NELFA: variants seen among roughly 807,000 people sequenced by gnomAD.
NELFA encodes the protein negative elongation factor A.
A neutral mutation model predicts 51.8 loss-of-function variants in NELFA; 35 were observed. The ratio of observed to expected loss-of-function variants is 0.68; its 90% CI spans 0.52 to 0.90. The LOEUF (loss-of-function observed/expected upper bound fraction) is 0.90. Ranked by LOEUF, NELFA falls within the 40% of genes least tolerant of loss-of-function variation. The pLI is 0.00. For synonymous variants in NELFA, 417 were observed against 338.4 expected (o/e 1.23, Z -2.55); for missense variants, 658 against 746.4 (o/e 0.88, Z 1.38).
chr4:1,990,632 G>T (rs1465580043), intron 2 of NELFA: 1 of 404,836 alleles, frequency 2.5e-6, no homozygotes, highest in Non-Finnish European at 5.1e-6. Context: ...GTGCAGCCTC[G>T]ATGTCTCCAT....
At chr4:1,997,267 A>G (rs529422209) in intron 1 of NELFA, among the ~76,000 whole-genome samples, 29 of 152,358 alleles carry the variant, frequency 1.9e-4, no homozygotes, top group African/African-American at 7.0e-4. Context: ...TCCAAAGAAA[A>G]AGAAAAGACC....
rs182344243 is a variant in NELFA at position 2,001,175 on chromosome 4, A to C, written c.210+7575T>G. Among the ~76,000 whole-genome samples, 244 of 152,310 alleles carry C rather than the reference A, an allele frequency of 1.6e-3. 2 individuals are homozygous for C. Among genetic ancestry groups the C allele is most frequent in the African/African-American group, 5.5e-3 (229 of 41,568 alleles). On this transcript the variant is annotated intron_variant, in intron 1 of 10. Coordinates refer to ENST00000382882, the MANE Select transcript of NELFA (RefSeq NM_005663.5). ...ATTAAGAGTTATTTAAGACAAACCC[A>C]CAGCGAATACCATATTGAATGGGCA...
chr4:1,989,787 G>A lies in NELFA; in HGVS notation c.465C>T (p.Pro155=). 1 of 1,614,198 alleles carries A rather than the reference G, an allele frequency of 6.2e-7. No homozygotes were observed. Among genetic ancestry groups the A allele is most frequent in the Non-Finnish European group, 8.5e-7 (1 of 1,180,048 alleles). Residue 155 remains proline (P), a synonymous_variant, in exon 3 of 11, where the codon CCC becomes CCT. Coordinates refer to ENST00000382882, the MANE Select transcript of NELFA (RefSeq NM_005663.5). The surrounding 1 kb of genome is among the most constrained non-coding windows in gnomAD (Gnocchi z 4.8). ...GAAAATGCTTCACCGGGGGAGTGAG[G>A]GGTCCCGCGAGGGTCGTCAGGGCGT... The part of the protein sequence containing the change: ...NKNALTTLAG[P]LTPPVKHFQL...
chr4:1,996,636 AAAG>A (rs1482621314), intron 1 of NELFA, among the ~76,000 whole-genome samples: 8 of 152,248 alleles, frequency 5.3e-5, no homozygotes, highest in South Asian at 2.1e-4. Flanking sequence ...TGACATTTAA[AAAG>A]AAGATGTTTG....
intron 1 of NELFA, among the ~76,000 whole-genome samples, chr4:1,998,409 G>A (rs1728488221): frequency 6.6e-6 from 1 of 151,954 alleles, no homozygotes. Flanking sequence ...CTTGATAAAA[G>A]GTCAGAGGAA....
At chr4:2,004,229 A>C (rs1728649248) in intron 1 of NELFA, 1 of 152,218 alleles carries the variant, frequency 6.6e-6, no homozygotes, top group South Asian at 2.1e-4. Context: ...CAGGCACAAA[A>C]GACCAGATGT....
At position 1,989,657 on chromosome 4, in the gene NELFA, T is replaced by G. The variant is rs1422621132; in HGVS notation, c.544+51A>C. On this transcript the variant is annotated intron_variant, in intron 3 of 10. Coordinates refer to ENST00000382882, the MANE Select transcript of NELFA (RefSeq NM_005663.5). The surrounding 1 kb of genome is among the most constrained non-coding windows in gnomAD (Gnocchi z 4.8). Reference sequence around the variant, plus strand: ...TTGGTACCTTAGAACCTAAGAAACCTATGACTGGAAACTACAAAGACAATG... The same window carrying G: ...TTGGTACCTTAGAACCTAAGAAACCGATGACTGGAAACTACAAAGACAATG... The G allele has an allele frequency of 1.9e-6, 3 of 1,575,890 alleles. No individual in the cohort carries two copies. The highest frequency in any genetic ancestry group is 8.6e-7 in the Non-Finnish European group (1 of 1,160,866).
At chr4:2,006,614 C>T (rs2109070360) in intron 1 of NELFA, among the ~76,000 whole-genome samples, 1 of 151,592 alleles carries the variant, frequency 6.6e-6, no homozygotes, top group South Asian at 2.1e-4. Flanking sequence ...CATACACATG[C>T]ACAAAAATTA....
intron 1 of NELFA, among the ~76,000 whole-genome samples, chr4:2,006,184 C>A (rs761428632): frequency 2.6e-5 from 4 of 152,192 alleles, no homozygotes; most frequent in Non-Finnish European, 5.9e-5. Flanking sequence ...AGAAACACAT[C>A]CACAGCAGAA....
Position 1,983,383 on chromosome 4 carries a change from A to C in NELFA, c.1523T>G (p.Met508Arg). 1 of 1,614,164 alleles carries C rather than the reference A, an allele frequency of 6.2e-7. No individual in the cohort carries two copies. The change falls in exon 11 of 11, where the codon ATG (methionine) becomes AGG (arginine). Residue 508 changes from methionine to arginine, a missense_variant. Physicochemically the swap from Met to Arg is moderately conservative, Grantham distance 91 (BLOSUM62 -1). Coordinates refer to ENST00000382882, the MANE Select transcript of NELFA (RefSeq NM_005663.5). Reference sequence around the variant, plus strand: ...CGTCCACTGGCCCGTGGCATAGTTCATCTCAAACACTGTGTCCACCAGCAT... The same window carrying C: ...CGTCCACTGGCCCGTGGCATAGTTCCTCTCAAACACTGTGTCCACCAGCAT... ...TTMLVDTVFE[M>R]NYATGQWTRF...
At chr4:1,998,140 G>T (rs1379914079) in intron 1 of NELFA, among the ~76,000 whole-genome samples, 3 of 152,012 alleles carry the variant, frequency 2.0e-5, no homozygotes. Context: ...CCATCCAAGG[G>T]TCAGCAGCCT....
In NELFA at chr4:1,982,748, T is replaced by C. The variant is rs1452356587; in HGVS notation, c.*571A>G. ...TTTCTTTAGAAAAGCTCGACTTTAA[T>C]GGTTCAGATAGTTTTACAATGAAAA... On this transcript the variant is annotated 3_prime_UTR_variant, in exon 11 of 11. Coordinates refer to ENST00000382882, the MANE Select transcript of NELFA (RefSeq NM_005663.5). The C allele has an allele frequency of 2.0e-5, 3 of 152,630 alleles. No individual in the cohort carries two copies. The highest frequency in any genetic ancestry group is 1.5e-5 in the Non-Finnish European group (1 of 68,064). The allele number at this position is 152,630 out of a possible 1,614,324, so 9.5% of individuals were successfully genotyped here.
At chr4:1,987,519 C>G (rs1272596275) in intron 4 of NELFA, 1 of 185,968 alleles carries the variant, frequency 5.4e-6, no homozygotes, top group Non-Finnish European at 1.1e-5. Context: ...ACACTCGGAA[C>G]CCAAGAGCAG....
chr4:1,994,927 A>C (rs1036390561), intron 1 of NELFA, among the ~76,000 whole-genome samples: 1 of 152,218 alleles, frequency 6.6e-6, no homozygotes. Flanking sequence ...ATTCAGAAAC[A>C]CAAGTTGTAG....
intron 1 of NELFA, among the ~76,000 whole-genome samples, chr4:1,993,695 C>A (rs1481964667): frequency 6.6e-6 from 1 of 151,820 alleles, no homozygotes; most frequent in African/African-American, 2.4e-5. Context: ...AATCCAAGAT[C>A]AATTAAGGCG....
rs554349557 is a variant in NELFA, at chr4:1,984,993, G to T, written c.925-74C>A. 141 of 1,095,498 alleles carry T rather than the reference G, an allele frequency of 1.3e-4. No homozygotes were observed. In the East Asian group the frequency reaches 3.8e-3, roughly 30 times the overall value. The allele number at this position is 1,095,498 out of a possible 1,614,324, so 67.9% of individuals were successfully genotyped here. ...CATGTGCTAACACATGGCCCGACCC[G>T]GAGCTCCACTGCCACAGGCTGTGGC... is the stretch of plus-strand genomic sequence containing the variant. On this transcript the variant is annotated intron_variant, in intron 7 of 10. Coordinates refer to ENST00000382882, the MANE Select transcript of NELFA (RefSeq NM_005663.5).
At chr4:1,988,111 G>T in intron 3 of NELFA, 104 bp from the exon 4 acceptor site, 1 of 932,422 alleles carries the variant, frequency 1.1e-6, no homozygotes, top group South Asian at 1.6e-5. Context: ...CCTGAGCCGT[G>T]AACGCTGCAT....
At chr4:1,992,987 G>C (rs891674513) in intron 1 of NELFA, among the ~76,000 whole-genome samples, 1 of 152,172 alleles carries the variant, frequency 6.6e-6, no homozygotes, top group South Asian at 2.1e-4. Context: ...ACGCCCGCCC[G>C]AGCTGAGTGC....
At chr4:1,990,476 C>T (rs774731001) in intron 2 of NELFA, 8 of 456,700 alleles carry the variant, frequency 1.8e-5, no homozygotes, top group Middle Eastern at 3.3e-4. Flanking sequence ...TTCCTGCCCG[C>T]GGGACACTCC....
Sources: allele counts gnomAD v4.1 joint callset (sites outside exome capture counted in the v4.1 genomes callset), GRCh38; gene constraint gnomAD v4.1.1; non-coding constraint Gnocchi (gnomAD v3.1); transcripts MANE v1.5; gene names NCBI Gene and HGNC (gene_info 2026-07-23, HGNC 2026-07-21).